The following CRIM1 variants were observed in gnomAD, a reference collection of about 807,000 sequenced individuals.
The protein encoded by CRIM1 is cysteine-rich motor neuron 1 protein.
A neutral mutation model predicts 116.4 loss-of-function variants in CRIM1; 32 were observed. The observed-to-expected ratio is 0.27, with a 90% CI of 0.21 to 0.37. The LOEUF (loss-of-function observed/expected upper bound fraction) is 0.37. CRIM1 is among the 10% of genes least tolerant of loss of function. The probability of loss-of-function intolerance (pLI) is 1.00; values close to 1 mark genes in which losing one functional copy is unlikely to be tolerated. For synonymous variants in CRIM1, 590 were observed against 509.2 expected (o/e 1.16, Z -2.13); for missense variants, 1,331 against 1,354.8 (o/e 0.98, Z 0.28).
chr2:36,436,626 G>A (rs985462112), intron 2 of CRIM1, among the ~76,000 whole-genome samples: 5 of 152,030 alleles, frequency 3.3e-5, no homozygotes, highest in Non-Finnish European at 7.4e-5. Context: ...AATAGATAAC[G>A]CAAGATTATA....
intron 5 of CRIM1, among the ~76,000 whole-genome samples, chr2:36,468,537 G>A (rs1374405005): frequency 6.6e-5 from 10 of 152,114 alleles, no homozygotes; most frequent in Admixed American, 1.3e-4. Context: ...AGGAACAGGT[G>A]GTATGATTAT....
chr2:36,451,322 C>A (rs914101930), intron 4 of CRIM1, among the ~76,000 whole-genome samples: 1 of 152,060 alleles, frequency 6.6e-6, no homozygotes, highest in African/African-American at 2.4e-5. Flanking sequence ...CAGTCATCTG[C>A]CCTCAAGGAA....
chr2:36,499,935 A>G (rs1372244489), intron 8 of CRIM1, among the ~76,000 whole-genome samples: 1 of 152,172 alleles, frequency 6.6e-6, no homozygotes, highest in Non-Finnish European at 1.5e-5. Flanking sequence ...CTCCTTGACC[A>G]TTCTTCAGGT....
chr2:36,450,315 T>G (rs1427128420), intron 4 of CRIM1, among the ~76,000 whole-genome samples: 1 of 152,208 alleles, frequency 6.6e-6, no homozygotes, highest in Admixed American at 6.5e-5. Flanking sequence ...TTGCACTTGT[T>G]TCTCCCCTTC....
intron 14 of CRIM1, 121 bp downstream of exon 14, chr2:36,537,667 CCAGTT>C: frequency 9.5e-7 from 1 of 1,054,568 alleles, no homozygotes; most frequent in Non-Finnish European, 1.3e-6. Flanking sequence ...CGTGTCAGGC[CCAGTT>C]AGCGCCTCCA....
At chr2:36,473,762 A>C (rs1314718066) in intron 5 of CRIM1, among the ~76,000 whole-genome samples, 2 of 152,022 alleles carry the variant, frequency 1.3e-5, no homozygotes, top group African/African-American at 4.8e-5. Context: ...CTTTTTGTTT[A>C]TATATCAGTT....
intron 7 of CRIM1, among the ~76,000 whole-genome samples, chr2:36,486,001 C>A (rs1199404104): frequency 6.6e-6 from 1 of 152,184 alleles, no homozygotes; most frequent in Admixed American, 6.5e-5. Context: ...ATGACTGTTT[C>A]TTAACCTAGG....
intron 2 of CRIM1, among the ~76,000 whole-genome samples, chr2:36,434,361 A>G (rs750668744): frequency 1.7e-4 from 26 of 152,232 alleles, no homozygotes; most frequent in Non-Finnish European, 3.4e-4. Flanking sequence ...TTAAGCAAAA[A>G]TGTAGCTATT....
chr2:36,395,147 T>A (rs902930221), intron 1 of CRIM1, among the ~76,000 whole-genome samples: 1 of 151,716 alleles, frequency 6.6e-6, no homozygotes, highest in Non-Finnish European at 1.5e-5. Context: ...CCTGAGTAAC[T>A]GGGACCACAG....
chr2:36,535,880 T>C (rs1191703109), intron 13 of CRIM1, among the ~76,000 whole-genome samples: 1 of 152,250 alleles, frequency 6.6e-6, no homozygotes, highest in African/African-American at 2.4e-5. Flanking sequence ...GTATTGCAAG[T>C]AATCTAGAGA....
chr2:36,483,683 C>A (rs1212716822), intron 7 of CRIM1, among the ~76,000 whole-genome samples: 1 of 152,106 alleles, frequency 6.6e-6, no homozygotes, highest in Non-Finnish European at 1.5e-5. Flanking sequence ...TTTTGAATCC[C>A]TAAAACAACA....
intron 5 of CRIM1, among the ~76,000 whole-genome samples, chr2:36,474,187 A>T (rs1678774887): frequency 6.6e-6 from 1 of 151,828 alleles, no homozygotes; most frequent in South Asian, 2.1e-4. Context: ...TGATTAGATT[A>T]TTTTTATCGT....
chr2:36,502,028 T>G (rs551741573), intron 8 of CRIM1, among the ~76,000 whole-genome samples: 1 of 152,330 alleles, frequency 6.6e-6, no homozygotes, highest in Non-Finnish European at 1.5e-5. Flanking sequence ...AGCTACATCT[T>G]TCTTAACATG....
chr2:36,510,923 C>CTTT (rs1013951561), intron 9 of CRIM1, among the ~76,000 whole-genome samples: 66 of 109,184 alleles, frequency 6.0e-4, no homozygotes, highest in Middle Eastern at 5.5e-3. Context: ...GATTCCTTTT[C>CTTT]TTTTTTTTTT....
At chr2:36,477,099 A>T in intron 6 of CRIM1, 28 bp downstream of exon 6, 1 of 1,535,060 alleles carries the variant, frequency 6.5e-7, no homozygotes, top group South Asian at 1.2e-5. Flanking sequence ...TTACAGATTA[A>T]CAGGAGCATA....
At chr2:36,423,753 T>G (rs1272962464) in intron 2 of CRIM1, among the ~76,000 whole-genome samples, 3 of 152,224 alleles carry the variant, frequency 2.0e-5, no homozygotes, top group Admixed American at 1.3e-4. Context: ...TGTAACTATT[T>G]AAAGGTCAGC....
intron 16 of CRIM1, among the ~76,000 whole-genome samples, chr2:36,548,308 C>A (rs1157703499): frequency 2.1e-5 from 3 of 143,748 alleles, no homozygotes; most frequent in Non-Finnish European, 4.5e-5. Flanking sequence ...CCCTATTTGA[C>A]AGTTTCTTGA....
intron 4 of CRIM1, among the ~76,000 whole-genome samples, chr2:36,450,970 G>A (rs1025470744): frequency 9.2e-5 from 14 of 152,260 alleles, no homozygotes; most frequent in Middle Eastern, 3.4e-3. Flanking sequence ...GACTCATACT[G>A]GATGAGGCCA....
At chr2:36,490,085 C>T (rs1286190368) in intron 7 of CRIM1, among the ~76,000 whole-genome samples, 1 of 152,170 alleles carries the variant, frequency 6.6e-6, no homozygotes, top group Non-Finnish European at 1.5e-5. Context: ...GCTTAAGTTA[C>T]AACAGGCAGG....
Sources: allele counts gnomAD v4.1 joint callset (sites outside exome capture counted in the v4.1 genomes callset), GRCh38; gene constraint gnomAD v4.1.1; transcripts MANE v1.5; gene names NCBI Gene and HGNC (gene_info 2026-07-23, HGNC 2026-07-21).